The following ATXN2L variants were observed in gnomAD, a reference collection of about 807,000 sequenced individuals.
ATXN2L encodes ataxin 2 like.
A neutral mutation model predicts 120.7 loss-of-function variants in ATXN2L; 24 were observed. The ratio of observed to expected loss-of-function variants is 0.20; its 90% confidence interval spans 0.14 to 0.28. The LOEUF (loss-of-function observed/expected upper bound fraction) is 0.28. Among genes scored for constraint, ATXN2L ranks in the 10% least tolerant of loss-of-function variants. The pLI, the probability that ATXN2L is intolerant of heterozygous loss-of-function variation, is 1.00. For synonymous variants in ATXN2L, 653 were observed against 568.1 expected (o/e 1.15, Z -2.13); for missense variants, 1,312 against 1,432.3 (o/e 0.92, Z 1.36).
At chr16:28,823,715 C>T (rs1431377625) in intron 1 of ATXN2L, 157 bp downstream of exon 1, 2 of 789,014 alleles carry the variant, frequency 2.5e-6, no homozygotes, top group Non-Finnish European at 3.4e-6. Context: ...CCGAACAGGT[C>T]GGACGGAAAG....
chr16:28,832,673 TC>T, intron 12 of ATXN2L, 106 bp downstream of exon 12: 1 of 1,411,626 alleles, frequency 7.1e-7, no homozygotes, highest in Non-Finnish European at 9.9e-7. Flanking sequence ...TGTCTATCAG[TC>T]CTTGGATTAT....
chr16:28,829,825 T>C (rs2053693773), intron 7 of ATXN2L, 33 bp from the exon 8 acceptor site: 3 of 1,608,486 alleles, frequency 1.9e-6, no homozygotes, highest in Non-Finnish European at 1.7e-6. Flanking sequence ...CCCCTGGCAC[T>C]GGGATGGTGG....
chr16:28,823,198 C>G lies in ATXN2L; in HGVS notation c.-62C>G. On this transcript the variant is annotated 5_prime_UTR_variant, in exon 1 of 22. Transcript: ENST00000336783. ...TCGCTTCCCGCGCTCTCCAGCGGGG[C>G]CCCAGCCCCGGCCCCCTCTCTCCCT... 1 of 1,177,592 alleles carries G rather than the reference C, an allele frequency of 8.5e-7. No homozygotes were observed. The highest frequency in any genetic ancestry group is 1.1e-6 in the Non-Finnish European group (1 of 917,908). The allele number at this position is 1,177,592 out of a possible 1,614,324, so 72.9% of individuals were successfully genotyped here.
At position 28,835,917 on chromosome 16, in the gene ATXN2L, T is replaced by A. The variant is rs1960463785; in HGVS notation, c.2896-16T>A. 6.5e-7 allele frequency: 1 copy of A among 1,548,894 alleles called. No individual in the cohort carries two copies. Among genetic ancestry groups the A allele is most frequent in the African/African-American group, 1.4e-5 (1 of 73,040 alleles). Reference sequence around the variant, plus strand: ...GGATTCTGTGGTCTTCCCGGCTACTTTTTTGTTTTCCACAGGCCCATGTCC... The same window carrying A: ...GGATTCTGTGGTCTTCCCGGCTACTATTTTGTTTTCCACAGGCCCATGTCC... On this transcript the variant is annotated splice_polypyrimidine_tract_variant and intron_variant, in intron 21 of 21. Transcript: ENST00000336783.
chr16:28,829,718 C>T (rs564634845), intron 7 of ATXN2L, 140 bp from the exon 8 acceptor site: 10 of 899,912 alleles, frequency 1.1e-5, no homozygotes, highest in South Asian at 6.3e-5. Flanking sequence ...GGGATGCAGT[C>T]GGTGCCCGTT....
At chr16:28,825,904 C>A in intron 4 of ATXN2L, 63 bp downstream of exon 4, 2 of 1,435,082 alleles carry the variant, frequency 1.4e-6, no homozygotes, top group Non-Finnish European at 9.8e-7. Flanking sequence ...GAAATAGGCT[C>A]ATTGAAGGTG....
chr16:28,827,087 A>G, intron 6 of ATXN2L, 101 bp downstream of exon 6: 4 of 1,183,394 alleles, frequency 3.4e-6, no homozygotes, highest in Middle Eastern at 2.1e-4. Flanking sequence ...ACTGTTGCCC[A>G]TTGATGGTAG....
chr16:28,826,941 G>A lies in ATXN2L; in HGVS notation c.696G>A (p.Glu232=), dbSNP rs140933362. 6.3e-7 allele frequency: 1 copy of A among 1,584,762 alleles called. No homozygotes were observed. The part of the protein sequence containing the change: ...EHKEKVLQRW[E]GGDSNSDDYD... ...AAGAGAAGGTGCTTCAGCGCTGGGA[G>A]GGGGGTGACAGCAACAGCGACGACT... Residue 232 remains glutamate (E), a synonymous_variant, in exon 6 of 22, where the codon GAG becomes GAA. Coordinates refer to ENST00000336783, the MANE Select transcript of ATXN2L (RefSeq NM_007245.4).
chr16:28,824,912 A>C (rs1219039468), intron 1 of ATXN2L, among the ~76,000 whole-genome samples: 1 of 152,016 alleles, frequency 6.6e-6, no homozygotes, highest in Non-Finnish European at 1.5e-5. Flanking sequence ...TGACAGTTTG[A>C]AAATCTTATT....
At chr16:28,831,815 G>A in intron 10 of ATXN2L, among the ~76,000 whole-genome samples, 1 of 152,208 alleles carries the variant, frequency 6.6e-6, no homozygotes, top group East Asian at 1.9e-4. Flanking sequence ...AGCCCAGGAG[G>A]CTGAGGTTGC....
Position 28,836,721 on chromosome 16 carries a change from C to T in ATXN2L, c.*456C>T, listed in dbSNP as rs1254625322. The T allele has an allele frequency of 6.2e-7, 1 of 1,613,898 alleles. No homozygotes were observed. Among genetic ancestry groups the T allele is most frequent in the African/African-American group, 1.3e-5 (1 of 74,874 alleles). ...CTCCTGCTCTCTTCTCTTTCCCCTC[C>T]AACCAGTTCAATCTCATCCCTCCCA... On this transcript the variant is annotated 3_prime_UTR_variant, in exon 22 of 22. Transcript: ENST00000336783.
chr16:28,828,408 G>A (rs1212754874), intron 6 of ATXN2L, among the ~76,000 whole-genome samples: 1 of 152,112 alleles, frequency 6.6e-6, no homozygotes, highest in African/African-American at 2.4e-5. Flanking sequence ...CCAACGTGGA[G>A]AAGCCCCATC....
At position 28,835,770 on chromosome 16, in the gene ATXN2L, G is replaced by A. The variant is rs551898029; in HGVS notation, c.2895+12G>A. 2 of 1,613,972 alleles carry A rather than the reference G, an allele frequency of 1.2e-6. No homozygotes were observed. The highest frequency in any genetic ancestry group is 2.7e-5 in the African/African-American group (2 of 75,030). ...CCCATGTTACCCAGGTAAGAGCCCAGCTGTCCCACTTCTGGGTCTGTTTGC... is the reference window on the plus strand; with the variant it reads ...CCCATGTTACCCAGGTAAGAGCCCAACTGTCCCACTTCTGGGTCTGTTTGC... On this transcript the variant is annotated intron_variant, in intron 21 of 21. Coordinates refer to ENST00000336783, the MANE Select transcript of ATXN2L (RefSeq NM_007245.4).
At chr16:28,834,462 C>T in intron 17 of ATXN2L, 44 bp from the exon 18 acceptor site, 2 of 1,613,526 alleles carry the variant, frequency 1.2e-6, no homozygotes, top group Non-Finnish European at 1.7e-6. Context: ...CAAGGGCCTA[C>T]TGGCAGGTGG....
At chr16:28,827,138 A>T in intron 6 of ATXN2L, 152 bp downstream of exon 6, 1 of 926,212 alleles carries the variant, frequency 1.1e-6, no homozygotes. Context: ...AGCAAAGTAA[A>T]AATATCTATT....
chr16:28,834,013 CAGG>C, intron 15 of ATXN2L, 49 bp from the exon 16 acceptor site: 1 of 1,587,014 alleles, frequency 6.3e-7, no homozygotes, highest in Non-Finnish European at 8.6e-7. Context: ...TAGGCATGGC[CAGG>C]AGTAGAGGGG....
At position 28,835,194 on chromosome 16, in the gene ATXN2L, C is replaced by A. The variant is rs770649850; in HGVS notation, c.2563+7C>A. 7 of 1,609,092 alleles carry A rather than the reference C, an allele frequency of 4.4e-6. No homozygotes were observed. The highest frequency in any genetic ancestry group is 5.9e-6 in the Non-Finnish European group (7 of 1,177,030). ...ACCCCCCAAGCCCTTTATGGTGAGT[C>A]CTGCGCCTGGTCCCTCTGCTCTGGG... is the stretch of plus-strand genomic sequence containing the variant. On this transcript the variant is annotated splice_region_variant and intron_variant, in intron 19 of 21. Transcript: ENST00000336783.
chr16:28,825,341 A>T, intron 1 of ATXN2L, 25 bp from the exon 2 acceptor site: 1 of 1,612,862 alleles, frequency 6.2e-7, no homozygotes, highest in Non-Finnish European at 8.5e-7. Context: ...AACAGACTTA[A>T]GTAATTTCTT....
Position 28,835,417 on chromosome 16 carries a change from T to C in ATXN2L, c.2685+18T>C. On this transcript the variant is annotated intron_variant, in intron 20 of 21. Coordinates refer to ENST00000336783, the MANE Select transcript of ATXN2L (RefSeq NM_007245.4). ...CTGTCCAGGTGCCTGCCATGGGGGG[T>C]GCTGAGTGGTCCTGGTGCAGGAATG... The C allele has an allele frequency of 3.7e-6, 6 of 1,611,068 alleles. No homozygotes were observed. Among genetic ancestry groups the C allele is most frequent in the Non-Finnish European group, 5.1e-6 (6 of 1,179,516 alleles).
Sources: gnomAD v4.1 joint callset for allele counts (sites outside exome capture counted in the v4.1 genomes callset) on GRCh38, gnomAD v4.1.1 for gene constraint, MANE v1.5 for transcripts, NCBI Gene and HGNC (gene_info 2026-07-23, HGNC 2026-07-21) for gene names.